GRIN2B: variants seen among roughly 807,000 people sequenced by gnomAD.
GRIN2B encodes glutamate receptor ionotropic, NMDA 2B.
GRIN2B carries 5 observed loss-of-function variants against 114.5 expected under a neutral mutation model. The ratio of observed to expected loss-of-function variants is 0.04; its 90% CI spans 0.02 to 0.09. The LOEUF (loss-of-function observed/expected upper bound fraction) is 0.09. Among genes scored for constraint, GRIN2B ranks in the 10% least tolerant of loss-of-function variants. The probability of loss-of-function intolerance (pLI) is 1.00; values close to 1 mark genes in which losing one functional copy is unlikely to be tolerated. For missense variants in GRIN2B, 1,108 were observed against 1,943.5 expected (o/e 0.57, Z 8.08); for synonymous variants, 787 against 745.1 (o/e 1.06, Z -0.92).
Position 13,913,014 on chromosome 12 carries a change from A to G in GRIN2B, c.-18-46788T>C, listed in dbSNP as rs1020468812. 2.0e-5 allele frequency among the ~76,000 whole-genome samples: 3 copies of G among 152,154 alleles called. No homozygotes were observed. The East Asian group carries it at 5.8e-4, about 29-fold the overall frequency. ...TCACTCCTTAGTCCTCCCATCAGAA[A>G]GAAATGACTGAGCTCCCCAAGCATG... On this transcript the variant is annotated intron_variant, in intron 2 of 13. Transcript: ENST00000609686.
Position 13,675,746 on chromosome 12 carries a change from C to T in GRIN2B, c.1124G>A (p.Arg375Lys), listed in dbSNP as rs778479807. ...AGAATTGTCAAAGACATGTCTTACCCTTTCCCACTTCCTCTCCTTGTTCAG... is the reference window on the plus strand; with the variant it reads ...AGAATTGTCAAAGACATGTCTTACCTTTTCCCACTTCCTCTCCTTGTTCAG... ...ILLNKERKWE[R>K]VGKWKDKSLQ... The change falls in exon 5 of 14, where the codon AGG becomes AAG. Residue 375 changes from arginine (R) to lysine (K), a missense_variant and splice_region_variant. By Grantham distance (26) the Arg-to-Lys change is conservative (BLOSUM62 2). Transcript: ENST00000609686. 5.7e-6 allele frequency: 9 copies of T among 1,577,140 alleles called. No individual in the cohort carries two copies. Among genetic ancestry groups the T allele is most frequent in the Non-Finnish European group, 7.9e-6 (9 of 1,146,446 alleles).
chr12:13,568,074 AG>A (rs1298843137), intron 12 of GRIN2B, among the ~76,000 whole-genome samples: 1 of 152,072 alleles, frequency 6.6e-6, no homozygotes, highest in African/African-American at 2.4e-5. Flanking sequence ...TAAAGAGCAA[AG>A]AGGAGTAAGC....
rs1185453091 is a variant in GRIN2B, at chr12:13,550,533, C to A, written c.*12250G>T. 1.3e-5 allele frequency: 2 copies of A among 152,182 alleles called. No homozygotes were observed. The highest frequency in any genetic ancestry group is 2.9e-5 in the Non-Finnish European group (2 of 68,026). The allele number at this position is 152,182 out of a possible 1,614,324, so 9.4% of individuals were successfully genotyped here. A position where few individuals can be genotyped will look rare whatever the true frequency, so the allele number is the denominator to read the frequency against. On this transcript the variant is annotated 3_prime_UTR_variant, in exon 14 of 14. Coordinates refer to ENST00000609686, the MANE Select transcript of GRIN2B (RefSeq NM_000834.5). ...TATCTAAGCAACAGGACTGTCTGTT[C>A]TCAGTAGAATGACTTCTGCTTCTCC...
chr12:13,973,085 A>G (rs1299935662), intron 2 of GRIN2B, among the ~76,000 whole-genome samples: 2 of 152,222 alleles, frequency 1.3e-5, no homozygotes, highest in African/African-American at 2.4e-5. Context: ...ACAATTAGCT[A>G]TGGGAAAAAG....
intron 5 of GRIN2B, among the ~76,000 whole-genome samples, chr12:13,620,546 C>T (rs1949500435): frequency 6.6e-6 from 1 of 152,138 alleles, no homozygotes; most frequent in Admixed American, 6.6e-5. Context: ...ATGGTATCTA[C>T]CACCTTCTTT....
At chr12:13,717,722 AC>A (rs1317560345) in intron 4 of GRIN2B, among the ~76,000 whole-genome samples, 2 of 151,932 alleles carry the variant, frequency 1.3e-5, no homozygotes, top group African/African-American at 2.4e-5. Flanking sequence ...CTATACCTTC[AC>A]TGTCATAAAG....
chr12:13,539,624 T>C lies in GRIN2B; in HGVS notation c.*23159A>G, dbSNP rs1948252935. 1 of 150,280 alleles carries C rather than the reference T, an allele frequency of 6.7e-6. No individual in the cohort carries two copies. Among genetic ancestry groups the C allele is most frequent in the Non-Finnish European group, 1.5e-5 (1 of 67,850 alleles). 9.3% of individuals were successfully genotyped at this position (150,280 alleles called of 1,614,324 possible). ...AGCAATGGAAGTATGCATTAAAGAG[T>C]AAAACAATTACCAATTTACATTGTC... is the stretch of plus-strand genomic sequence containing the variant. On this transcript the variant is annotated 3_prime_UTR_variant, in exon 14 of 14. Coordinates refer to ENST00000609686, the MANE Select transcript of GRIN2B (RefSeq NM_000834.5).
intron 4 of GRIN2B, among the ~76,000 whole-genome samples, chr12:13,697,900 T>A (rs1950275599): frequency 6.6e-6 from 1 of 152,218 alleles, no homozygotes; most frequent in African/African-American, 2.4e-5. Flanking sequence ...CAATCCAACA[T>A]GTGACACTGC....
chr12:13,617,478 A>G (rs1949459406), intron 5 of GRIN2B, among the ~76,000 whole-genome samples: 1 of 152,196 alleles, frequency 6.6e-6, no homozygotes, highest in Non-Finnish European at 1.5e-5. Flanking sequence ...GCTGGCAACC[A>G]TCCTGAGAAA....
chr12:13,595,496 T>C (rs1949059838), intron 10 of GRIN2B, among the ~76,000 whole-genome samples: 1 of 152,192 alleles, frequency 6.6e-6, no homozygotes, highest in South Asian at 2.1e-4. Context: ...TATCCCAAAT[T>C]ATGTCAGACC....
intron 3 of GRIN2B, among the ~76,000 whole-genome samples, chr12:13,840,457 C>T (rs1396105432): frequency 6.6e-6 from 1 of 152,134 alleles, no homozygotes; most frequent in Non-Finnish European, 1.5e-5. Flanking sequence ...CTGGCTGCCC[C>T]TCTTACCTGC....
intron 2 of GRIN2B, among the ~76,000 whole-genome samples, chr12:13,978,000 G>C (rs1026628202): frequency 1.2e-4 from 19 of 152,116 alleles, no homozygotes; most frequent in Non-Finnish European, 1.3e-4. Context: ...TGGCATTCAA[G>C]ATAAATGAGG....
chr12:13,575,011 A>G (rs1948756007), intron 10 of GRIN2B, among the ~76,000 whole-genome samples: 1 of 152,212 alleles, frequency 6.6e-6, no homozygotes, highest in Non-Finnish European at 1.5e-5. Context: ...TGTTTGATAA[A>G]AAGGAACTTC....
chr12:13,970,686 A>AACACACACACACACACAC (rs5796570), intron 2 of GRIN2B, among the ~76,000 whole-genome samples: 20 of 145,052 alleles, frequency 1.4e-4, no homozygotes, highest in African/African-American at 5.2e-4. Context: ...GCAGGCTCTA[A>AACACACACACACACACAC]ACACACACAC....
chr12:13,574,858 C>G (rs1948753928), intron 10 of GRIN2B, among the ~76,000 whole-genome samples: 2 of 152,312 alleles, frequency 1.3e-5, no homozygotes, highest in Non-Finnish European at 2.9e-5. Context: ...CTACAGTAAT[C>G]ACGAGAGTGT....
intron 4 of GRIN2B, among the ~76,000 whole-genome samples, chr12:13,689,197 C>T (rs1230985905): frequency 6.6e-6 from 1 of 152,124 alleles, no homozygotes. Flanking sequence ...CATTTCCATC[C>T]TTTGCCAGTC....
intron 2 of GRIN2B, among the ~76,000 whole-genome samples, chr12:13,897,748 T>C (rs1866376506): frequency 1.3e-5 from 2 of 152,036 alleles, no homozygotes; most frequent in African/African-American, 4.8e-5. Context: ...ATTACATCAA[T>C]AAAGCAGAAA....
At chr12:13,695,918 T>C (rs1950255476) in intron 4 of GRIN2B, among the ~76,000 whole-genome samples, 1 of 152,112 alleles carries the variant, frequency 6.6e-6, no homozygotes, top group Non-Finnish European at 1.5e-5. Flanking sequence ...AGTGGATGGA[T>C]GTGACATGTG....
Position 13,608,846 on chromosome 12 carries a change from A to C in GRIN2B, c.1781-14T>G, listed in dbSNP as rs765540357. 6.3e-7 allele frequency: 1 copy of C among 1,596,420 alleles called. No individual in the cohort carries two copies. Among genetic ancestry groups the C allele is most frequent in the South Asian group, 1.1e-5 (1 of 90,666 alleles). On this transcript the variant is annotated splice_polypyrimidine_tract_variant and intron_variant, in intron 9 of 13. Coordinates refer to ENST00000609686, the MANE Select transcript of GRIN2B (RefSeq NM_000834.5). Reference sequence around the variant, plus strand: ...GTCCACCAGGCTCTGGCATGACAAAAAGACAAGGACGAAAGTTAAGCCATT... The same window carrying C: ...GTCCACCAGGCTCTGGCATGACAAACAGACAAGGACGAAAGTTAAGCCATT...
Sources: allele counts gnomAD v4.1 joint callset (sites outside exome capture counted in the v4.1 genomes callset), GRCh38; gene constraint gnomAD v4.1.1; transcripts MANE v1.5; gene names NCBI Gene and HGNC (gene_info 2026-07-23, HGNC 2026-07-21).